SEC14L5: variants seen among roughly 807,000 people sequenced by gnomAD.
SEC14L5 encodes the protein SEC14 like lipid binding 5.
In SEC14L5, 96 loss-of-function variants were observed where a neutral mutation model predicts 84.6. The observed-to-expected ratio is 1.13, with a 90% CI of 0.96 to 1.34. The LOEUF (loss-of-function observed/expected upper bound fraction) is 1.34. SEC14L5 is among the 40% of genes most tolerant of loss of function. The pLI is 0.00. For synonymous variants in SEC14L5, 546 were observed against 383.4 expected, an observed-to-expected ratio of 1.42 and a Z score of -4.95; for missense variants, 1,224 against 942.5, an observed-to-expected ratio of 1.30 and a Z score of -3.91.
At position 5,011,292 on chromosome 16, in the gene SEC14L5, G is replaced by A. The variant is rs763418575; in HGVS notation, c.1979+19G>A. 1.8e-5 allele frequency: 29 copies of A among 1,606,626 alleles called. No homozygotes were observed. The highest frequency in any genetic ancestry group is 9.9e-5 in the South Asian group (9 of 90,884). Reference sequence around the variant, plus strand: ...ACTTCAGGTAGGAGGGCTCCGGAGCGGGGTCCTGGGCAGGAAGGACCCTGG... The same window carrying A: ...ACTTCAGGTAGGAGGGCTCCGGAGCAGGGTCCTGGGCAGGAAGGACCCTGG... On this transcript the variant is annotated intron_variant, in intron 15 of 15. Coordinates refer to ENST00000251170, the MANE Select transcript of SEC14L5 (RefSeq NM_014692.2).
Position 5,009,524 on chromosome 16 carries a change from A to G in SEC14L5, c.1800+876A>G, listed in dbSNP as rs114658996. On this transcript the variant is annotated intron_variant, in intron 14 of 15. Coordinates refer to ENST00000251170, the MANE Select transcript of SEC14L5 (RefSeq NM_014692.2). ...TTTTTTGTAGAGATGGGGTCTTGCT[A>G]TGTTGCCCAGGATGATCTTGAATGC... Among the ~76,000 whole-genome samples, 697 of 151,914 alleles carry G rather than the reference A, an allele frequency of 4.6e-3. 12 individuals are homozygous for G. The highest frequency in any genetic ancestry group is 0.016 in the African/African-American group (657 of 41,418).
chr16:5,011,796 G>A (rs1048490267), intron 15 of SEC14L5, among the ~76,000 whole-genome samples: 2 of 152,162 alleles, frequency 1.3e-5, no homozygotes, highest in Admixed American at 6.5e-5. Context: ...TGGAGCCCCA[G>A]TCTTGTGGGT....
At chr16:4,985,519 C>T (rs966632600) in intron 2 of SEC14L5, among the ~76,000 whole-genome samples, 3 of 152,320 alleles carry the variant, frequency 2.0e-5, no homozygotes, top group Non-Finnish European at 2.9e-5. Context: ...TGAGCCACCG[C>T]GCCCGGCTCC....
chr16:4,974,715 C>G (rs904140302), intron 2 of SEC14L5, among the ~76,000 whole-genome samples: 1 of 152,010 alleles, frequency 6.6e-6, no homozygotes, highest in East Asian at 1.9e-4. Flanking sequence ...ATTCCTCACT[C>G]CCTCCCAGTC....
At chr16:4,998,189 A>G (rs1256099907) in intron 8 of SEC14L5, among the ~76,000 whole-genome samples, 2 of 151,438 alleles carry the variant, frequency 1.3e-5, no homozygotes. Flanking sequence ...TACTTTTAGT[A>G]GAGATGGGGT....
At chr16:4,965,021 G>A (rs1955179966) in intron 2 of SEC14L5, among the ~76,000 whole-genome samples, 1 of 152,136 alleles carries the variant, frequency 6.6e-6, no homozygotes, top group Non-Finnish European at 1.5e-5. Flanking sequence ...GTGAGCCACT[G>A]TGCCCAGCCA....
intron 5 of SEC14L5, 46 bp from the exon 6 acceptor site, chr16:4,991,792 C>T: frequency 1.4e-6 from 2 of 1,381,014 alleles, no homozygotes; most frequent in Non-Finnish European, 2.0e-6. Flanking sequence ...TGACCCCCCT[C>T]CATCCTGCCC....
rs559711762 is a variant in SEC14L5, at chr16:4,997,740, C to T, written c.970+696C>T. On this transcript the variant is annotated intron_variant, in intron 8 of 15. Coordinates refer to ENST00000251170, the MANE Select transcript of SEC14L5 (RefSeq NM_014692.2). ...TCTGGAGTCAAGGCGTCACCAGGGCCGTGCTCCCTCTGAAAGTTCTAGGGG... is the reference window on the plus strand; with the variant it reads ...TCTGGAGTCAAGGCGTCACCAGGGCTGTGCTCCCTCTGAAAGTTCTAGGGG... Among the ~76,000 whole-genome samples the T allele has an allele frequency of 1.5e-3, 232 of 152,240 alleles. 2 individuals carry two copies. Among genetic ancestry groups the T allele is most frequent in the African/African-American group, 5.1e-3 (211 of 41,556 alleles).
At chr16:4,996,031 C>A (rs1202468152) in intron 6 of SEC14L5, among the ~76,000 whole-genome samples, 2 of 152,010 alleles carry the variant, frequency 1.3e-5, no homozygotes, top group Non-Finnish European at 2.9e-5. Context: ...GAGTGTAAGC[C>A]CATATTGTTA....
chr16:4,997,976 C>T (rs1280397767), intron 8 of SEC14L5, among the ~76,000 whole-genome samples: 1 of 148,144 alleles, frequency 6.8e-6, no homozygotes, highest in Admixed American at 6.8e-5. Context: ...AACTAATTAA[C>T]TAATTACACC....
chr16:4,960,647 G>T (rs543854724), intron 2 of SEC14L5: 1 of 152,164 alleles, frequency 6.6e-6, no homozygotes, highest in Non-Finnish European at 1.5e-5. Context: ...CCCAATTGAC[G>T]AGCTGAGTGA....
intron 11 of SEC14L5, among the ~76,000 whole-genome samples, chr16:5,004,359 A>G (rs1008402951): frequency 1.3e-5 from 2 of 152,060 alleles, no homozygotes; most frequent in African/African-American, 4.8e-5. Flanking sequence ...AATTAAGTCC[A>G]CCTGCTGTTT....
chr16:5,014,645 G>A (rs576855660), intron 15 of SEC14L5, among the ~76,000 whole-genome samples: 2 of 152,386 alleles, frequency 1.3e-5, no homozygotes, highest in South Asian at 4.1e-4. Context: ...AGCCCCTGAT[G>A]GGTCTGTGGC....
chr16:5,000,284 C>G (rs1003185020), intron 8 of SEC14L5, among the ~76,000 whole-genome samples: 2 of 152,174 alleles, frequency 1.3e-5, no homozygotes, highest in Admixed American at 1.3e-4. Context: ...GAGCAAGACT[C>G]TGTCTCAAAT....
chr16:4,977,012 T>G (rs2908650), intron 2 of SEC14L5, among the ~76,000 whole-genome samples: 1 of 152,238 alleles, frequency 6.6e-6, no homozygotes, highest in Non-Finnish European at 1.5e-5. Flanking sequence ...TTGGGAGGTA[T>G]GAAAGGCACA....
intron 2 of SEC14L5, among the ~76,000 whole-genome samples, chr16:4,969,227 G>A (rs902978727): frequency 6.6e-6 from 1 of 152,244 alleles, no homozygotes; most frequent in African/African-American, 2.4e-5. Flanking sequence ...AGGCCCTCGT[G>A]CATTCATTTC....
chr16:5,000,553 C>G (rs2908674), intron 8 of SEC14L5, 102 bp from the exon 9 acceptor site: 113,624 of 861,084 alleles, frequency 0.13, 8,712 homozygotes, highest in Non-Finnish European at 0.16. Context: ...TGGTGGGTTG[C>G]AGCCTGAGGA....
At chr16:4,968,689 T>G (rs1183067007) in intron 2 of SEC14L5, among the ~76,000 whole-genome samples, 3 of 152,174 alleles carry the variant, frequency 2.0e-5, no homozygotes, top group Non-Finnish European at 2.9e-5. Flanking sequence ...CCTGGTCCCC[T>G]TTTGTCCAGC....
Position 5,011,340 on chromosome 16 carries a change from C to T in SEC14L5, c.1979+67C>T, listed in dbSNP as rs1169534550. On this transcript the variant is annotated intron_variant, in intron 15 of 15. Transcript: ENST00000251170. ...TGGGGCTGATTGACAATGCAGATGC[C>T]TGGCCTCCTGTCTCCCAGCTGGGTC... The T allele has an allele frequency of 3.3e-6, 5 of 1,493,838 alleles. No homozygotes were observed. The African/African-American group carries it at 6.9e-5, about 21-fold the overall frequency. The allele number at this position is 1,493,838 out of a possible 1,614,324, so 92.5% of individuals were successfully genotyped here.
Sources: gnomAD v4.1 joint callset for allele counts (sites outside exome capture counted in the v4.1 genomes callset) on GRCh38, gnomAD v4.1.1 for gene constraint, MANE v1.5 for transcripts, NCBI Gene and HGNC (gene_info 2026-07-23, HGNC 2026-07-21) for gene names.